Variants in PACRGL observed in about 807,000 individuals in gnomAD.
PACRGL encodes parkin coregulated like, also known as PACRG-like protein.
Under a neutral mutation model 34.5 loss-of-function variants are expected in PACRGL, and 38 were observed. That is an observed-to-expected ratio of 1.10 (90% CI 0.85 to 1.44). The LOEUF is 1.44. PACRGL is among the 40% of genes most tolerant of loss of function. PACRGL has a pLI of 0.00. For synonymous variants in PACRGL, 128 were observed against 100.1 expected, an observed-to-expected ratio of 1.28 and a Z score of -1.66; for missense variants, 305 against 281.4, an observed-to-expected ratio of 1.08 and a Z score of -0.60.
Position 20,710,832 on chromosome 4 carries a change from C to T in PACRGL, c.366+1059C>T, listed in dbSNP as rs140937085. On this transcript the variant is annotated intron_variant, in intron 5 of 8. Transcript: ENST00000503585. The stretch of plus-strand genomic sequence containing the variant: ...GTTTTTGTTTTTCTTAATTTATTGC[C>T]GAGTATTACAAGCAGTGTATTTTTA... Among the ~76,000 whole-genome samples the T allele has an allele frequency of 2.3e-3, 355 of 152,030 alleles. 8 individuals carry two copies. The South Asian group carries it at 0.046, about 20-fold the overall frequency.
chr4:20,736,287 T>C (rs1298718605), downstream of PACRGL, among the ~76,000 whole-genome samples: 2 of 152,236 alleles, frequency 1.3e-5, no homozygotes, highest in Non-Finnish European at 2.9e-5. Context: ...TGAGTTTCCA[T>C]TGTATATGTA....
chr4:20,766,564 TCAAACAAA>T, the PACRGL span, among the ~76,000 whole-genome samples: 1,535 of 152,106 alleles, frequency 0.01, 25 homozygotes, highest in African/African-American at 0.035. Context: ...AAACTCCATC[TCAAACAAA>T]CAAACAAACA....
intron 7 of PACRGL, among the ~76,000 whole-genome samples, chr4:20,723,683 C>T (rs1440367279): frequency 6.6e-6 from 1 of 152,080 alleles, no homozygotes; most frequent in African/African-American, 2.4e-5. Context: ...GGGTCAGTGG[C>T]GTTTATCTTT....
chr4:20,713,254 A>T (rs1225122762), intron 6 of PACRGL, 178 bp from the exon 7 acceptor site: 2 of 584,560 alleles, frequency 3.4e-6, no homozygotes, highest in African/African-American at 1.9e-5. Context: ...TTGCTTCTAG[A>T]TGTCCTGTGT....
At chr4:20,766,994 C>T in the PACRGL span, 1 of 152,144 alleles carries the variant, frequency 6.6e-6, no homozygotes. Context: ...GAATAAGATA[C>T]ACATATTATG....
intron 6 of PACRGL, 129 bp from the exon 7 acceptor site, chr4:20,713,303 C>G: frequency 1.5e-6 from 1 of 673,006 alleles, no homozygotes; most frequent in Non-Finnish European, 2.5e-6. Context: ...TGTTGACTAT[C>G]TTCTGATTGT....
At position 20,727,791 on chromosome 4, in the gene PACRGL, A is replaced by AT. The variant is rs1746380238; in HGVS notation, c.*452dup. 1 of 156,040 alleles carries AT rather than the reference A, an allele frequency of 6.4e-6. No homozygotes were observed. Among genetic ancestry groups the AT allele is most frequent in the Non-Finnish European group, 1.4e-5 (1 of 70,552 alleles). 9.7% of individuals were successfully genotyped at this position (156,040 alleles called of 1,614,324 possible). Reference sequence around the variant, plus strand: ...ATGTTTGTGAATACACTTTTAAAAAATTGTTTTAAAAGAGAAAAGCGGTCT... The same window carrying AT: ...ATGTTTGTGAATACACTTTTAAAAAATTTGTTTTAAAAGAGAAAAGCGGTCT... On this transcript the variant is annotated 3_prime_UTR_variant, in exon 9 of 9. Coordinates refer to ENST00000503585, the MANE Select transcript of PACRGL (RefSeq NM_001258345.3).
At position 20,728,630 on chromosome 4, in the gene PACRGL, C is replaced by CTTTTA. The variant is rs759566449; in HGVS notation, c.*1294_*1298dup. ...GTAGAGTTATAAACATTTTATTTTG[C>CTTTTA]TTTTATTTTTTCTTTTTGAAATACA... On this transcript the variant is annotated 3_prime_UTR_variant, in exon 9 of 9. Coordinates refer to ENST00000503585, the MANE Select transcript of PACRGL (RefSeq NM_001258345.3). 3.9e-5 allele frequency: 6 copies of CTTTTA among 152,472 alleles called. No homozygotes were observed. The highest frequency in any genetic ancestry group is 1.9e-4 in the East Asian group (1 of 5,190). 9.4% of individuals were successfully genotyped at this position (152,472 alleles called of 1,614,324 possible).
chr4:20,703,578 G>T (rs1733256170), intron 1 of PACRGL, among the ~76,000 whole-genome samples: 1 of 151,726 alleles, frequency 6.6e-6, no homozygotes. Flanking sequence ...GGAAACCTTG[G>T]GGTATGAACT....
intron 8 of PACRGL, among the ~76,000 whole-genome samples, chr4:20,752,055 GT>G (rs33912651): frequency 2.1e-4 from 25 of 121,670 alleles, no homozygotes; most frequent in East Asian, 1.5e-3. Context: ...ACTTCATAGA[GT>G]TTTTTTTTTT....
chr4:20,749,726 G>A, intron 8 of PACRGL: 3 of 1,605,266 alleles, frequency 1.9e-6, no homozygotes, highest in Non-Finnish European at 2.6e-6. Flanking sequence ...TGCATATGTT[G>A]TAGAGTCTGA....
intron 1 of PACRGL, chr4:20,702,877 T>C (rs1470921842): frequency 6.6e-6 from 1 of 152,248 alleles, no homozygotes; most frequent in Non-Finnish European, 1.5e-5. Context: ...AAGTAAGTCA[T>C]CTGCTGGTAG....
At chr4:20,764,681 GACAC>G in the PACRGL span, among the ~76,000 whole-genome samples, 242 of 147,216 alleles carry the variant, frequency 1.6e-3, no homozygotes, top group Middle Eastern at 3.4e-3. Context: ...ATGGGAATTG[GACAC>G]ACACACACAC....
chr4:20,744,731 A>C (rs961494843), intron 8 of PACRGL, among the ~76,000 whole-genome samples: 5 of 152,192 alleles, frequency 3.3e-5, no homozygotes, highest in Non-Finnish European at 7.3e-5. Context: ...ACAAACCTGC[A>C]CATTTTGCAC....
chr4:20,749,444 TTG>T (rs1269920494), intron 8 of PACRGL, among the ~76,000 whole-genome samples: 1 of 152,204 alleles, frequency 6.6e-6, no homozygotes, highest in Admixed American at 6.5e-5. Context: ...TGGACTCTCC[TTG>T]TATGAGCCGA....
chr4:20,711,352 T>G (rs1230961560), intron 5 of PACRGL, among the ~76,000 whole-genome samples: 1 of 152,206 alleles, frequency 6.6e-6, no homozygotes, highest in East Asian at 1.9e-4. Context: ...ATTTTTATCT[T>G]TCTCCTGGCC....
At chr4:20,709,382 C>T (rs1389631093) in intron 4 of PACRGL, among the ~76,000 whole-genome samples, 1 of 152,034 alleles carries the variant, frequency 6.6e-6, no homozygotes, top group African/African-American at 2.4e-5. Flanking sequence ...TGTAGATTAC[C>T]TATTGTGTCA....
intron 1 of PACRGL, among the ~76,000 whole-genome samples, chr4:20,701,267 T>C (rs1280109231): frequency 6.6e-6 from 1 of 152,132 alleles, no homozygotes; most frequent in African/African-American, 2.4e-5. Context: ...GAAAGTACAC[T>C]TTCCTACCAT....
chr4:20,739,168 C>G (rs1750443928), intron 8 of PACRGL, among the ~76,000 whole-genome samples: 2 of 152,212 alleles, frequency 1.3e-5, no homozygotes, highest in South Asian at 2.1e-4. Flanking sequence ...CAGGTCATAG[C>G]TGAACAAAAG....
Sources: gnomAD v4.1 joint callset for allele counts (sites outside exome capture counted in the v4.1 genomes callset) on GRCh38, gnomAD v4.1.1 for gene constraint, MANE v1.5 for transcripts, NCBI Gene and HGNC (gene_info 2026-07-23, HGNC 2026-07-21) for gene names.